ACVR1C: variants seen among roughly 807,000 people sequenced by gnomAD.
The protein encoded by ACVR1C is activin A receptor type 1C.
In ACVR1C, 23 loss-of-function variants were observed where a neutral mutation model predicts 57.9. That is an observed-to-expected ratio of 0.40 (90% confidence interval 0.29 to 0.56). ACVR1C has a LOEUF of 0.56. Among genes scored for constraint, ACVR1C ranks in the 20% least tolerant of loss-of-function variants. The pLI is 0.50. For synonymous variants in ACVR1C, 214 were observed against 215.3 expected, an observed-to-expected ratio of 0.99 and a Z score of 0.05; for missense variants, 480 against 607.9, an observed-to-expected ratio of 0.79 and a Z score of 2.21.
chr2:157,585,815 A>G (rs552585607), intron 2 of ACVR1C, among the ~76,000 whole-genome samples: 1 of 152,314 alleles, frequency 6.6e-6, no homozygotes, highest in South Asian at 2.1e-4. Flanking sequence ...GATAGAGAGA[A>G]TAAGTGTGGT....
intron 1 of ACVR1C, chr2:157,597,343 CG>C: frequency 1.0e-6 from 1 of 985,866 alleles, no homozygotes; most frequent in Non-Finnish European, 1.2e-6. Context: ...GGCCCGCCCC[CG>C]GGGAGCTCCC....
At chr2:157,620,024 T>C (rs962615594) in intron 1 of ACVR1C, among the ~76,000 whole-genome samples, 1 of 152,048 alleles carries the variant, frequency 6.6e-6, no homozygotes, top group Non-Finnish European at 1.5e-5. Context: ...GGGAACATCA[T>C]CTTGATTTGG....
chr2:157,543,317 T>G lies in ACVR1C; in HGVS notation c.944-455A>C, dbSNP rs141246221. 2.2e-3 allele frequency among the ~76,000 whole-genome samples: 329 copies of G among 152,322 alleles called. 5 individuals are homozygous for G. Among genetic ancestry groups the G allele is most frequent in the African/African-American group, 7.6e-3 (316 of 41,580 alleles). On this transcript the variant is annotated intron_variant, in intron 5 of 8. Coordinates refer to ENST00000243349, the MANE Select transcript of ACVR1C (RefSeq NM_145259.3). ...TACGCATCTGTGTGACGCCATCTTTTCTTCACATATTTCAACCAAAACAAC... is the reference window on the plus strand; with the variant it reads ...TACGCATCTGTGTGACGCCATCTTTGCTTCACATATTTCAACCAAAACAAC...
chr2:157,607,305 G>C (rs1287026627), intron 1 of ACVR1C, among the ~76,000 whole-genome samples: 2 of 149,424 alleles, frequency 1.3e-5, no homozygotes, highest in Admixed American at 6.7e-5. Flanking sequence ...GCTCTTTTTT[G>C]GTTCCATATG....
chr2:157,530,228 A>G lies in ACVR1C; in HGVS notation c.*3690T>C, dbSNP rs1251823893. 1 of 152,170 alleles carries G rather than the reference A, an allele frequency of 6.6e-6. No homozygotes were observed. Among genetic ancestry groups the G allele is most frequent in the Non-Finnish European group, 1.5e-5 (1 of 67,998 alleles). 9.4% of individuals were successfully genotyped at this position (152,170 alleles called of 1,614,324 possible). A position where few individuals can be genotyped will look rare whatever the true frequency, so the allele number is the denominator to read the frequency against. On this transcript the variant is annotated 3_prime_UTR_variant, in exon 9 of 9. Coordinates refer to ENST00000243349, the MANE Select transcript of ACVR1C (RefSeq NM_145259.3). ...GGTACTGCTACTTTCTTAATTTTCC[A>G]GTGGGAAATAAAATTTGTATATTTT...
chr2:157,576,617 G>A (rs1340752140), intron 2 of ACVR1C, among the ~76,000 whole-genome samples: 1 of 152,118 alleles, frequency 6.6e-6, no homozygotes, highest in Admixed American at 6.5e-5. Context: ...TTCCTATATG[G>A]TTCCAGGTCA....
chr2:157,593,531 A>G (rs2105131099), intron 1 of ACVR1C, among the ~76,000 whole-genome samples: 1 of 152,266 alleles, frequency 6.6e-6, no homozygotes, highest in South Asian at 2.1e-4. Flanking sequence ...CTCAGATTTG[A>G]CCTGCTGAAT....
At chr2:157,611,204 A>G (rs2105148704) in intron 1 of ACVR1C, among the ~76,000 whole-genome samples, 1 of 152,308 alleles carries the variant, frequency 6.6e-6, no homozygotes, top group South Asian at 2.1e-4. Flanking sequence ...CTGAAGATGT[A>G]TCTATGACAT....
intron 2 of ACVR1C, among the ~76,000 whole-genome samples, chr2:157,563,307 A>T (rs1394129715): frequency 3.9e-5 from 6 of 152,196 alleles, no homozygotes; most frequent in Non-Finnish European, 7.3e-5. Context: ...AATCACAAGC[A>T]TTCTTACATG....
At chr2:157,573,443 A>G (rs1406365097) in intron 2 of ACVR1C, among the ~76,000 whole-genome samples, 1 of 152,182 alleles carries the variant, frequency 6.6e-6, no homozygotes, top group Non-Finnish European at 1.5e-5. Flanking sequence ...GTATATTGAA[A>G]TCTGGAGGGA....
In ACVR1C at chr2:157,585,607, C is replaced by T. The variant is rs117208644; in HGVS notation, c.304+1580G>A. Among the ~76,000 whole-genome samples the T allele has an allele frequency of 4.6e-4, 70 of 152,182 alleles. No homozygotes were observed. The East Asian group carries it at 0.012, about 25-fold the overall frequency. On this transcript the variant is annotated intron_variant, in intron 2 of 8. Coordinates refer to ENST00000243349, the MANE Select transcript of ACVR1C (RefSeq NM_145259.3). The stretch of plus-strand genomic sequence containing the variant: ...TGGGAAGATACATTACAAGTCACTG[C>T]CACAGCTAAAGAGGAGACTCTCCTT...
At chr2:157,564,703 C>T (rs1426221253) in intron 2 of ACVR1C, among the ~76,000 whole-genome samples, 2 of 152,138 alleles carry the variant, frequency 1.3e-5, no homozygotes, top group African/African-American at 4.8e-5. Flanking sequence ...ATGGCACCAA[C>T]CCCAATGCCC....
chr2:157,597,663 G>A lies in ACVR1C; in HGVS notation c.74-10246C>T, dbSNP rs1573945768. ...TTTTTTACAGAATGACCTCCACTCC[G>A]GATTAGCATTTCTCAAGCATTTTTA... On this transcript the variant is annotated intron_variant, in intron 1 of 8. Transcript: ENST00000243349. The A allele has an allele frequency of 1.1e-5, 7 of 634,848 alleles. No homozygotes were observed. In the African/African-American group the frequency reaches 1.2e-4, roughly 11 times the overall value. The allele number at this position is 634,848 out of a possible 1,614,324, so 39.3% of individuals were successfully genotyped here.
rs1371734188 is a variant in ACVR1C at position 157,553,818 on chromosome 2, G to A, written c.544+2275C>T. Reference sequence around the variant, plus strand: ...AATGTTGTCAATATTCAAGAAATCAGGGCACAGTGGGCCTCAAAGTGTCAG... The same window carrying A: ...AATGTTGTCAATATTCAAGAAATCAAGGCACAGTGGGCCTCAAAGTGTCAG... On this transcript the variant is annotated intron_variant, in intron 3 of 8. Coordinates refer to ENST00000243349, the MANE Select transcript of ACVR1C (RefSeq NM_145259.3). Among the ~76,000 whole-genome samples the A allele has an allele frequency of 2.0e-5, 3 of 152,102 alleles. No individual in the cohort carries two copies. In the East Asian group the frequency reaches 5.8e-4, roughly 29 times the overall value.
intron 3 of ACVR1C, among the ~76,000 whole-genome samples, chr2:157,555,304 A>C (rs995215702): frequency 3.2e-4 from 48 of 151,062 alleles, no homozygotes; most frequent in African/African-American, 1.1e-3. Context: ...ATTTTTTAGT[A>C]GAGACGGGGT....
chr2:157,609,955 C>T (rs1366467282), intron 1 of ACVR1C, among the ~76,000 whole-genome samples: 7 of 151,974 alleles, frequency 4.6e-5, no homozygotes, highest in Non-Finnish European at 1.0e-4. Flanking sequence ...CATTTCTATT[C>T]AAGGTCATTA....
chr2:157,604,660 C>G (rs1682355064), intron 1 of ACVR1C, among the ~76,000 whole-genome samples: 1 of 151,778 alleles, frequency 6.6e-6, no homozygotes, highest in Non-Finnish European at 1.5e-5. Context: ...AAGTGTTTTC[C>G]AAAGGGCTTG....
At chr2:157,547,527 G>A (rs377296927) in intron 4 of ACVR1C, among the ~76,000 whole-genome samples, 4 of 139,582 alleles carry the variant, frequency 2.9e-5, no homozygotes, top group Admixed American at 7.3e-5. Flanking sequence ...GTGTGAGATG[G>A]TATCTCATTG....
chr2:157,554,650 T>C (rs76174526), intron 3 of ACVR1C, among the ~76,000 whole-genome samples: 4,291 of 152,290 alleles, frequency 0.028, 113 homozygotes, highest in African/African-American at 0.071. Context: ...TATGCTTTTC[T>C]TTTCTGATGA....
Sources: allele counts gnomAD v4.1 joint callset (sites outside exome capture counted in the v4.1 genomes callset), GRCh38; gene constraint gnomAD v4.1.1; transcripts MANE v1.5; gene names NCBI Gene and HGNC (gene_info 2026-07-23, HGNC 2026-07-21).